The following DYM variants were observed in gnomAD, a reference collection of about 807,000 sequenced individuals.
The protein encoded by DYM is dymeclin, also known as dyggve-Melchior-Clausen syndrome protein.
DYM carries 78 observed loss-of-function variants against 93.1 expected under a neutral mutation model. The ratio of observed to expected loss-of-function variants is 0.84; its 90% CI spans 0.70 to 1.01. The LOEUF (loss-of-function observed/expected upper bound fraction) is 1.01. DYM is among the 50% of genes least tolerant of loss of function. DYM has a pLI of 0.00. For missense variants in DYM, 789 were observed against 845.0 expected (o/e 0.93, Z 0.82); for synonymous variants, 321 against 319.7 (o/e 1.00, Z -0.04).
At chr18:49,275,976 C>G (rs1254584733) in intron 10 of DYM, among the ~76,000 whole-genome samples, 1 of 151,988 alleles carries the variant, frequency 6.6e-6, no homozygotes. Context: ...TTAGTGGATT[C>G]CTTAGGATTA....
chr18:49,305,352 T>G (rs2061211028), intron 8 of DYM, among the ~76,000 whole-genome samples: 2 of 152,202 alleles, frequency 1.3e-5, no homozygotes, highest in South Asian at 4.1e-4. Context: ...AAATCTCAAG[T>G]GCACCCCCAG....
intron 17 of DYM, among the ~76,000 whole-genome samples, chr18:49,057,035 C>T (rs1314292256): frequency 3.9e-5 from 6 of 152,142 alleles, no homozygotes; most frequent in East Asian, 1.9e-4. Flanking sequence ...AGGCATAGGT[C>T]GTAAGTTTCA....
At chr18:49,067,451 C>T (rs905631242) in intron 17 of DYM, among the ~76,000 whole-genome samples, 674 of 18,600 alleles carry the variant, frequency 0.036, 86 homozygotes, top group East Asian at 0.07. Flanking sequence ...GTGATGTGAG[C>T]ACTATGGAAG....
At chr18:49,217,539 G>C (rs1029377010) in intron 13 of DYM, among the ~76,000 whole-genome samples, 2 of 152,212 alleles carry the variant, frequency 1.3e-5, no homozygotes, top group African/African-American at 4.8e-5. Flanking sequence ...AAGCCCATCA[G>C]ACTAACAGCG....
intron 13 of DYM, among the ~76,000 whole-genome samples, chr18:49,238,753 T>C (rs1200294081): frequency 9.3e-5 from 14 of 151,148 alleles, no homozygotes; most frequent in Middle Eastern, 3.4e-3. Flanking sequence ...GACCATGCCA[T>C]TGCACTCCAG....
chr18:49,138,657 T>G (rs1350865021), intron 15 of DYM, among the ~76,000 whole-genome samples: 1 of 152,086 alleles, frequency 6.6e-6, no homozygotes, highest in Non-Finnish European at 1.5e-5. Flanking sequence ...AGATGAAATG[T>G]GTCATTTATT....
intron 8 of DYM, among the ~76,000 whole-genome samples, chr18:49,303,100 T>A (rs892693063): frequency 6.6e-6 from 1 of 152,224 alleles, no homozygotes; most frequent in African/African-American, 2.4e-5. Flanking sequence ...CAGTTGCTAG[T>A]CCAAAAAGAT....
intron 14 of DYM, among the ~76,000 whole-genome samples, chr18:49,168,933 C>T (rs931111149): frequency 1.3e-5 from 2 of 152,030 alleles, no homozygotes; most frequent in Non-Finnish European, 2.9e-5. Context: ...ATACCCATAA[C>T]TTATAAGGCA....
At chr18:49,141,019 C>T (rs573991179) in intron 15 of DYM, among the ~76,000 whole-genome samples, 5 of 152,190 alleles carry the variant, frequency 3.3e-5, no homozygotes, top group South Asian at 2.1e-4. Context: ...CCTGACACCA[C>T]GCTCTTGTGG....
At chr18:49,257,837 G>C (rs114959853) in intron 12 of DYM, among the ~76,000 whole-genome samples, 2 of 151,650 alleles carry the variant, frequency 1.3e-5, no homozygotes. Context: ...TAGGCTGAAG[G>C]GCAGTGGCAC....
intron 10 of DYM, among the ~76,000 whole-genome samples, chr18:49,275,153 G>A (rs1332828670): frequency 6.6e-6 from 1 of 151,992 alleles, no homozygotes; most frequent in African/African-American, 2.4e-5. Flanking sequence ...TTGTATATGG[G>A]GTGAAGCAAA....
At chr18:49,392,803 C>T (rs548895672) in intron 2 of DYM, among the ~76,000 whole-genome samples, 1 of 150,274 alleles carries the variant, frequency 6.7e-6, no homozygotes, top group African/African-American at 2.4e-5. Context: ...CAAGACCAGC[C>T]TGGCCAATAT....
chr18:49,355,328 T>C (rs1402002466), intron 6 of DYM, among the ~76,000 whole-genome samples: 1 of 151,976 alleles, frequency 6.6e-6, no homozygotes, highest in East Asian at 1.9e-4. Context: ...GACATCAATG[T>C]ATAGACAGAT....
At chr18:49,066,396 T>C (rs1321527751) in intron 17 of DYM, among the ~76,000 whole-genome samples, 1 of 152,246 alleles carries the variant, frequency 6.6e-6, no homozygotes, top group African/African-American at 2.4e-5. Flanking sequence ...ATTTGGATTC[T>C]TTCACTTACC....
At chr18:49,321,886 G>A (rs2062508415) in intron 8 of DYM, among the ~76,000 whole-genome samples, 1 of 151,988 alleles carries the variant, frequency 6.6e-6, no homozygotes, top group Non-Finnish European at 1.5e-5. Context: ...GTTTTAATTA[G>A]AAATCTGTTA....
chr18:49,114,440 A>T (rs2081735441), intron 16 of DYM: 1 of 535,402 alleles, frequency 1.9e-6, no homozygotes, highest in Admixed American at 6.4e-5. Flanking sequence ...CAGAAAAGTG[A>T]GCACTGGGTA....
At chr18:49,176,301 T>A (rs1169790388) in intron 14 of DYM, among the ~76,000 whole-genome samples, 1 of 152,230 alleles carries the variant, frequency 6.6e-6, no homozygotes, top group Non-Finnish European at 1.5e-5. Flanking sequence ...ACCAAATTTA[T>A]AAGAGACTGA....
chr18:49,369,084 G>A (rs2066769633), intron 5 of DYM, among the ~76,000 whole-genome samples: 1 of 152,180 alleles, frequency 6.6e-6, no homozygotes, highest in South Asian at 2.1e-4. Context: ...CTTCACTAGG[G>A]GACGCTGAAA....
At chr18:49,128,641 T>C (rs1403271383) in intron 15 of DYM, among the ~76,000 whole-genome samples, 1 of 152,128 alleles carries the variant, frequency 6.6e-6, no homozygotes, top group Non-Finnish European at 1.5e-5. Context: ...CCCTTCCTAG[T>C]CTCAAGTCTC....
Sources: allele counts gnomAD v4.1 joint callset (sites outside exome capture counted in the v4.1 genomes callset), GRCh38; gene constraint gnomAD v4.1.1; transcripts MANE v1.5; gene names NCBI Gene and HGNC (gene_info 2026-07-23, HGNC 2026-07-21).